Variants in MYCT1 observed in about 807,000 individuals in gnomAD.
The protein encoded by MYCT1 is MYC target 1, also known as myc target protein 1.
MYCT1 carries 12 observed loss-of-function variants against 15.0 expected under a neutral mutation model. The observed-to-expected ratio is 0.80, with a 90% CI of 0.51 to 1.29. The LOEUF (loss-of-function observed/expected upper bound fraction) is 1.29. Ranked by LOEUF, MYCT1 falls within the 50% of genes most tolerant of loss-of-function variation. MYCT1 has a pLI of 0.00. For missense variants in MYCT1, 287 were observed against 279.1 expected (o/e 1.03, Z -0.20); for synonymous variants, 104 against 102.7 (o/e 1.01, Z -0.07).
intron 1 of MYCT1, among the ~76,000 whole-genome samples, chr6:152,717,996 A>C (rs1185053056): frequency 6.6e-6 from 1 of 152,156 alleles, no homozygotes; most frequent in African/African-American, 2.4e-5. Flanking sequence ...TTCATTATTT[A>C]ATCCTTTTTG....
At chr6:152,721,502 G>A (rs2099724691) in intron 1 of MYCT1, among the ~76,000 whole-genome samples, 1 of 152,096 alleles carries the variant, frequency 6.6e-6, no homozygotes, top group African/African-American at 2.4e-5. Flanking sequence ...GATAAAACAG[G>A]TTAAGTGACC....
In MYCT1 at chr6:152,723,403, A is replaced by G. The variant is rs2099725061; in HGVS notation, c.*1150A>G. The G allele has an allele frequency of 1.3e-5, 2 of 152,210 alleles. No individual in the cohort carries two copies. Among genetic ancestry groups the G allele is most frequent in the South Asian group, 4.1e-4 (2 of 4,826 alleles). 9.4% of individuals were successfully genotyped at this position (152,210 alleles called of 1,614,324 possible). Reference sequence around the variant, plus strand: ...TTAAGGGAAAAATTTTCTTTCTTAAACTTACATCTAGCAACTTGGAAAGCA... The same window carrying G: ...TTAAGGGAAAAATTTTCTTTCTTAAGCTTACATCTAGCAACTTGGAAAGCA... On this transcript the variant is annotated 3_prime_UTR_variant, in exon 2 of 2. Transcript: ENST00000367245.
downstream of MYCT1, among the ~76,000 whole-genome samples, chr6:152,725,978 C>T (rs751641749): frequency 9.9e-5 from 15 of 152,154 alleles, no homozygotes; most frequent in South Asian, 2.1e-4. Flanking sequence ...AAAGGAGAGA[C>T]GAAAATAACA....
At chr6:152,705,733 C>A in intron 1 of MYCT1, 2 of 265,370 alleles carry the variant, frequency 7.5e-6, no homozygotes, top group Non-Finnish European at 1.4e-5. Flanking sequence ...TAAAATTTTC[C>A]CCTTCTTTGG....
the MYCT1 span, among the ~76,000 whole-genome samples, chr6:152,737,426 C>T: frequency 6.6e-6 from 1 of 151,868 alleles, no homozygotes; most frequent in African/African-American, 2.4e-5. Context: ...TCTAAAGTCT[C>T]CCAGAGAGAT....
At position 152,706,535 on chromosome 6, in the gene MYCT1, C is replaced by G. The variant is rs540852803; in HGVS notation, c.196+8437C>G. Among the ~76,000 whole-genome samples the G allele has an allele frequency of 3.9e-5, 6 of 152,082 alleles. No homozygotes were observed. In the South Asian group the frequency reaches 1.0e-3, roughly 26 times the overall value. On this transcript the variant is annotated intron_variant, in intron 1 of 1. Transcript: ENST00000367245. ...TGTGGAGAGTGAGAATAATCGTGTA[C>G]AAAGTAGACAAATATCCAATTATGT...
the MYCT1 span, among the ~76,000 whole-genome samples, chr6:152,739,290 A>G: frequency 4.0e-5 from 6 of 151,754 alleles, no homozygotes; most frequent in Non-Finnish European, 8.8e-5. Flanking sequence ...ATAATCTGCA[A>G]TCAATAGTAT....
chr6:152,733,393 A>G, the MYCT1 span, among the ~76,000 whole-genome samples: 1 of 152,090 alleles, frequency 6.6e-6, no homozygotes, highest in African/African-American at 2.4e-5. Flanking sequence ...ATAAGCCACC[A>G]TGCCTGGCCT....
At chr6:152,728,898 C>G (rs1387541819), downstream of MYCT1, among the ~76,000 whole-genome samples, 1 of 151,870 alleles carries the variant, frequency 6.6e-6, no homozygotes, top group Non-Finnish European at 1.5e-5. Context: ...AGAGTGAGAC[C>G]CTGTCTCAAA....
chr6:152,714,676 T>C (rs959957816), intron 1 of MYCT1, among the ~76,000 whole-genome samples: 1 of 151,722 alleles, frequency 6.6e-6, no homozygotes, highest in African/African-American at 2.4e-5. Context: ...TATTTTTGTC[T>C]GATAATTCAA....
chr6:152,744,479 G>C, the MYCT1 span, among the ~76,000 whole-genome samples: 1 of 152,078 alleles, frequency 6.6e-6, no homozygotes, highest in African/African-American at 2.4e-5. Flanking sequence ...GTTTAATAAA[G>C]AGGTAGAATT....
intron 1 of MYCT1, among the ~76,000 whole-genome samples, chr6:152,720,307 C>T (rs1161162894): frequency 6.6e-6 from 1 of 152,034 alleles, no homozygotes; most frequent in African/African-American, 2.4e-5. Flanking sequence ...ACTTGTATAG[C>T]TTCAATTCCA....
chr6:152,720,088 T>C (rs1258709663), intron 1 of MYCT1, among the ~76,000 whole-genome samples: 1 of 151,888 alleles, frequency 6.6e-6, no homozygotes, highest in Non-Finnish European at 1.5e-5. Flanking sequence ...GTCACAGTCA[T>C]TTGGTGAGTT....
chr6:152,717,631 G>A (rs987454174), intron 1 of MYCT1, among the ~76,000 whole-genome samples: 30 of 152,022 alleles, frequency 2.0e-4, no homozygotes, highest in Non-Finnish European at 4.1e-4. Flanking sequence ...GCTCCTGCTT[G>A]TCTTCCACCA....
At chr6:152,717,302 T>G (rs531036437) in intron 1 of MYCT1, among the ~76,000 whole-genome samples, 1 of 152,322 alleles carries the variant, frequency 6.6e-6, no homozygotes, top group South Asian at 2.1e-4. Context: ...AGATAAGTAT[T>G]TTACCATATA....
chr6:152,733,100 G>T, the MYCT1 span, among the ~76,000 whole-genome samples: 59 of 151,332 alleles, frequency 3.9e-4, 1 homozygote, highest in South Asian at 7.6e-3. Flanking sequence ...TCTTTTGTTT[G>T]TTTTTTTGTT....
At chr6:152,733,272 T>C in the MYCT1 span, among the ~76,000 whole-genome samples, 1 of 151,526 alleles carries the variant, frequency 6.6e-6, no homozygotes, top group Non-Finnish European at 1.5e-5. Context: ...CCTGGCTAAT[T>C]TTTGTATTTT....
chr6:152,741,264 A>C, the MYCT1 span, among the ~76,000 whole-genome samples: 1 of 152,186 alleles, frequency 6.6e-6, no homozygotes, highest in African/African-American at 2.4e-5. Flanking sequence ...TCCTGGAATT[A>C]CTATAGAGGC....
intron 1 of MYCT1, among the ~76,000 whole-genome samples, chr6:152,717,973 C>A (rs949788585): frequency 6.6e-6 from 1 of 152,024 alleles, no homozygotes; most frequent in African/African-American, 2.4e-5. Context: ...ATGATTCTCA[C>A]GTACATTTTA....
Sources: allele counts gnomAD v4.1 joint callset (sites outside exome capture counted in the v4.1 genomes callset), GRCh38; gene constraint gnomAD v4.1.1; transcripts MANE v1.5; gene names NCBI Gene and HGNC (gene_info 2026-07-23, HGNC 2026-07-21).